The following NKTR variants were observed in gnomAD, a reference collection of about 807,000 sequenced individuals.
The protein encoded by NKTR is natural killer cell triggering receptor.
In NKTR, 67 loss-of-function variants were observed where a neutral mutation model predicts 156.3. The ratio of observed to expected loss-of-function variants is 0.43; its 90% CI spans 0.35 to 0.53. The LOEUF (loss-of-function observed/expected upper bound fraction) is 0.53. NKTR is among the 20% of genes least tolerant of loss of function. The probability of loss-of-function intolerance (pLI) is 0.01; values close to 1 mark genes in which losing one functional copy is unlikely to be tolerated. For synonymous variants in NKTR, 640 were observed against 596.6 expected, an observed-to-expected ratio of 1.07 and a Z score of -1.06; for missense variants, 1,604 against 1,730.9, an observed-to-expected ratio of 0.93 and a Z score of 1.30.
chr3:42,615,023 C>CT (rs962107414), intron 2 of NKTR, among the ~76,000 whole-genome samples: 17 of 145,250 alleles, frequency 1.2e-4, no homozygotes, highest in East Asian at 1.0e-3. Flanking sequence ...GGGCAAAAGA[C>CT]TTTTTTTTTT....
At chr3:42,626,819 G>A (rs895883234) in intron 6 of NKTR, among the ~76,000 whole-genome samples, 1 of 151,854 alleles carries the variant, frequency 6.6e-6, no homozygotes, top group Non-Finnish European at 1.5e-5. Context: ...ACTGGTCCTG[G>A]GCATTCAGAT....
At chr3:42,611,320 T>C (rs1417206870) in intron 2 of NKTR, 1 of 152,232 alleles carries the variant, frequency 6.6e-6, no homozygotes, top group African/African-American at 2.4e-5. Context: ...TTCGGCCTTA[T>C]ATTTTATGTT....
intron 2 of NKTR, among the ~76,000 whole-genome samples, chr3:42,607,966 G>A (rs1272711593): frequency 1.3e-5 from 1 of 79,500 alleles, no homozygotes; most frequent in African/African-American, 4.0e-5. Context: ...GTCCTGAGTC[G>A]CTCTTTTTTT....
intron 2 of NKTR, among the ~76,000 whole-genome samples, chr3:42,608,889 G>A (rs1706495122): frequency 6.6e-6 from 1 of 152,180 alleles, no homozygotes; most frequent in South Asian, 2.1e-4. Flanking sequence ...ACTTTGGGAG[G>A]CCGAGGCAGG....
chr3:42,628,122 A>G (rs1708567238), intron 6 of NKTR: 1 of 984,810 alleles, frequency 1.0e-6, no homozygotes, highest in Non-Finnish European at 1.2e-6. Context: ...TCTTTTTGTT[A>G]AATACTTTTA....
chr3:42,632,001 C>T (rs1708952568), intron 8 of NKTR, among the ~76,000 whole-genome samples: 1 of 151,600 alleles, frequency 6.6e-6, no homozygotes, highest in African/African-American at 2.4e-5. Context: ...TCTTCCTATT[C>T]CCTTTACACT....
In NKTR at chr3:42,646,429, G is replaced by C. The variant is rs1472494901; in HGVS notation, c.*454G>C. The C allele has an allele frequency of 6.4e-6, 1 of 155,730 alleles. No homozygotes were observed. The highest frequency in any genetic ancestry group is 1.4e-5 in the Non-Finnish European group (1 of 69,954). 9.6% of individuals were successfully genotyped at this position (155,730 alleles called of 1,614,324 possible). ...ATTACATAGAGTCTTGTACATATGT[G>C]CTCTAAAAACAAACCACCCAGAATT... On this transcript the variant is annotated 3_prime_UTR_variant, in exon 17 of 17. Transcript: ENST00000232978.
chr3:42,639,529 G>C lies in NKTR; in HGVS notation c.3825G>C (p.Gly1275=). The C allele has an allele frequency of 6.2e-7, 1 of 1,614,158 alleles. No homozygotes were observed. Among genetic ancestry groups the C allele is most frequent in the Non-Finnish European group, 8.5e-7 (1 of 1,180,030 alleles). ...EIKSKNKVRP[G]SLFDEVRKTA... ...AAAGCAAAAATAAAGTTCGGCCTGG[G>C]TCTCTCTTTGATGAAGTAAGAAAGA... The change falls in exon 13 of 17, where the codon GGG becomes GGC. Residue 1275 remains glycine, a synonymous_variant. Coordinates refer to ENST00000232978, the MANE Select transcript of NKTR (RefSeq NM_005385.4).
intron 16 of NKTR, 47 bp from the exon 17 acceptor site, chr3:42,645,841 G>T: frequency 7.3e-7 from 1 of 1,366,542 alleles, no homozygotes; most frequent in Non-Finnish European, 1.0e-6. Flanking sequence ...GGAATTCAAA[G>T]ATTTTACAGT....
chr3:42,641,863 G>A (rs1709915979), intron 13 of NKTR, among the ~76,000 whole-genome samples: 1 of 147,130 alleles, frequency 6.8e-6, no homozygotes, highest in Non-Finnish European at 1.5e-5. Context: ...GGGCGACAGA[G>A]CAAGACTCCT....
intron 3 of NKTR, among the ~76,000 whole-genome samples, chr3:42,618,446 A>G (rs913634074): frequency 7.9e-5 from 12 of 151,070 alleles, no homozygotes; most frequent in African/African-American, 2.9e-4. Context: ...TGATTTTGTT[A>G]TTTATTTATT....
chr3:42,621,652 G>T (rs528978709), intron 6 of NKTR, 136 bp downstream of exon 6: 1 of 909,128 alleles, frequency 1.1e-6, no homozygotes, highest in African/African-American at 1.7e-5. Flanking sequence ...TAATATCATA[G>T]TAACTTATAA....
chr3:42,640,711 A>G (rs959032436), intron 13 of NKTR, among the ~76,000 whole-genome samples: 1 of 151,922 alleles, frequency 6.6e-6, no homozygotes, highest in Non-Finnish European at 1.5e-5. Flanking sequence ...CTCTTAGTTT[A>G]CTGACTAAGA....
chr3:42,639,372 A>T lies in NKTR; in HGVS notation c.3668A>T (p.Asp1223Val). 6.2e-7 allele frequency: 1 copy of T among 1,614,128 alleles called. No homozygotes were observed. The highest frequency in any genetic ancestry group is 8.5e-7 in the Non-Finnish European group (1 of 1,180,016). The change falls in exon 13 of 17, where the codon GAT becomes GTT. Residue 1223 changes from aspartate (D) to valine (V), a missense_variant. Transcript: ENST00000232978. ...VAEKSQINLI[D>V]KKWKPLQGVG... ...GAGAAGAGCCAGATCAACCTCATTGATAAGAAATGGAAGCCCCTGCAAGGT... is the reference window on the plus strand; with the variant it reads ...GAGAAGAGCCAGATCAACCTCATTGTTAAGAAATGGAAGCCCCTGCAAGGT...
intron 2 of NKTR, among the ~76,000 whole-genome samples, chr3:42,612,606 C>T (rs1182399181): frequency 2.0e-5 from 3 of 152,134 alleles, no homozygotes; most frequent in Non-Finnish European, 2.9e-5. Flanking sequence ...CCTACTAGTT[C>T]TCATTCATTA....
chr3:42,606,686 T>C (rs1316371031), intron 2 of NKTR, among the ~76,000 whole-genome samples: 1 of 152,194 alleles, frequency 6.6e-6, no homozygotes. Context: ...TTTTTTAATA[T>C]TTTGTCTTTA....
Position 42,639,241 on chromosome 3 carries a change from A to G in NKTR, c.3537A>G (p.Glu1179=). The part of the protein sequence containing the change: ...EHPQAEVVKQ[E]SSMSESKVLG... ...CTCAAGCAGAGGTAGTAAAACAGGA[A>G]AGCAGCATGTCCGAAAGTAAAGTGT... is the stretch of plus-strand genomic sequence containing the variant. The change falls in exon 13 of 17, where the codon GAA becomes GAG. Residue 1179 remains glutamate, a synonymous_variant. Transcript: ENST00000232978. 6.2e-7 allele frequency: 1 copy of G among 1,614,202 alleles called. No homozygotes were observed. Among genetic ancestry groups the G allele is most frequent in the Non-Finnish European group, 8.5e-7 (1 of 1,180,032 alleles).
intron 2 of NKTR, among the ~76,000 whole-genome samples, chr3:42,614,458 C>T (rs1195713781): frequency 3.3e-5 from 5 of 150,528 alleles, no homozygotes; most frequent in Non-Finnish European, 5.9e-5. Flanking sequence ...AAGACCATAC[C>T]TTTAGAATAT....
intron 2 of NKTR, 135 bp downstream of exon 2, chr3:42,601,199 A>G: frequency 1.5e-6 from 1 of 646,404 alleles, no homozygotes; most frequent in Non-Finnish European, 2.5e-6. Context: ...TTTTCTCTTG[A>G]GAGAAAATCA....
Sources: gnomAD v4.1 joint callset for allele counts (sites outside exome capture counted in the v4.1 genomes callset) on GRCh38, gnomAD v4.1.1 for gene constraint, MANE v1.5 for transcripts, NCBI Gene and HGNC (gene_info 2026-07-23, HGNC 2026-07-21) for gene names.